The following LIMCH1 variants were observed in gnomAD, a reference collection of about 807,000 sequenced individuals.
LIMCH1 encodes the protein LIM and calponin homology domains-containing protein 1.
In LIMCH1, 113 loss-of-function variants were observed where a neutral mutation model predicts 176.5. The observed-to-expected ratio is 0.64, with a 90% CI of 0.55 to 0.75. The LOEUF (loss-of-function observed/expected upper bound fraction) is 0.75, where lower values mean the gene tolerates loss of function less well. Among genes scored for constraint, LIMCH1 ranks in the 30% least tolerant of loss-of-function variants. LIMCH1 has a pLI of 0.00. For synonymous variants in LIMCH1, 619 were observed against 645.9 expected (o/e 0.96, Z 0.63); for missense variants, 1,674 against 1,814.9 (o/e 0.92, Z 1.41).
At chr4:41,584,921 G>A (rs564987880) in intron 1 of LIMCH1, among the ~76,000 whole-genome samples, 1 of 152,220 alleles carries the variant, frequency 6.6e-6, no homozygotes, top group Admixed American at 6.5e-5. Context: ...TGGCAGATTT[G>A]GCATCTGGTG....
chr4:41,655,673 CT>C (rs112101600), intron 18 of LIMCH1, among the ~76,000 whole-genome samples: 56 of 149,730 alleles, frequency 3.7e-4, no homozygotes, highest in African/African-American at 1.1e-3. Context: ...TCCTGCAGCT[CT>C]TTTTTTTTTC....
chr4:41,508,446 A>G (rs2074441978), intron 2 of LIMCH1, among the ~76,000 whole-genome samples: 1 of 152,226 alleles, frequency 6.6e-6, no homozygotes. Flanking sequence ...CCAGGACCAG[A>G]GTCCTGTAGG....
intron 1 of LIMCH1, among the ~76,000 whole-genome samples, chr4:41,593,671 G>A (rs1584603861): frequency 6.6e-6 from 1 of 152,200 alleles, no homozygotes; most frequent in Admixed American, 6.5e-5. Context: ...TGGTCTATGG[G>A]CCAAATCCAC....
At chr4:41,433,464 G>A (rs939813946) in intron 1 of LIMCH1, among the ~76,000 whole-genome samples, 1 of 152,046 alleles carries the variant, frequency 6.6e-6, no homozygotes, top group East Asian at 1.9e-4. Flanking sequence ...CTGTTCCATG[G>A]GGTGTTGGCT....
At chr4:41,527,745 C>T (rs369653249) in intron 3 of LIMCH1, among the ~76,000 whole-genome samples, 3 of 150,334 alleles carry the variant, frequency 2.0e-5, no homozygotes, top group African/African-American at 7.4e-5. Flanking sequence ...ATGGCGTGAA[C>T]CCGGGAGGCG....
At chr4:41,434,055 T>C (rs2061839565) in intron 1 of LIMCH1, among the ~76,000 whole-genome samples, 1 of 150,380 alleles carries the variant, frequency 6.6e-6, no homozygotes, top group Non-Finnish European at 1.5e-5. Context: ...CCAAGTGACA[T>C]AAGAGGACAA....
intron 15 of LIMCH1, 84 bp downstream of exon 15, chr4:41,644,710 A>G: frequency 1.3e-6 from 2 of 1,506,896 alleles, no homozygotes; most frequent in Non-Finnish European, 1.8e-6. Flanking sequence ...TGGACTTGAA[A>G]GCCATGCGGG....
chr4:41,519,925 C>G (rs533140346), intron 2 of LIMCH1, among the ~76,000 whole-genome samples: 39 of 152,252 alleles, frequency 2.6e-4, no homozygotes, highest in African/African-American at 8.7e-4. Flanking sequence ...ACTTTAAAAC[C>G]TAGGCTACTG....
chr4:41,453,937 T>G (rs2064200218), intron 1 of LIMCH1, among the ~76,000 whole-genome samples: 1 of 152,108 alleles, frequency 6.6e-6, no homozygotes. Flanking sequence ...CTGCCTCCCC[T>G]CTTCTACCCT....
intron 12 of LIMCH1, 105 bp downstream of exon 12, chr4:41,633,190 C>CTGAT: frequency 1.3e-6 from 1 of 779,068 alleles, no homozygotes. Flanking sequence ...CACCTGGCGA[C>CTGAT]TGATAGAGCG....
chr4:41,456,026 T>G (rs188369990), intron 1 of LIMCH1, among the ~76,000 whole-genome samples: 5 of 152,264 alleles, frequency 3.3e-5, no homozygotes, highest in Non-Finnish European at 5.9e-5. Flanking sequence ...ACACACTTTT[T>G]TTTGTTTGTT....
At chr4:41,610,732 A>G (rs1359124624) in intron 4 of LIMCH1, among the ~76,000 whole-genome samples, 1 of 152,174 alleles carries the variant, frequency 6.6e-6, no homozygotes, top group Non-Finnish European at 1.5e-5. Flanking sequence ...ACAGCTGGCA[A>G]GGGGTGGAGC....
At chr4:41,575,199 T>C (rs780429805) in intron 1 of LIMCH1, among the ~76,000 whole-genome samples, 15 of 152,232 alleles carry the variant, frequency 9.9e-5, no homozygotes, top group Non-Finnish European at 2.1e-4. Context: ...ACTGACCAGA[T>C]AGCATTTTTT....
At chr4:41,462,383 A>G (rs1255747133) in intron 1 of LIMCH1, among the ~76,000 whole-genome samples, 1 of 152,202 alleles carries the variant, frequency 6.6e-6, no homozygotes, top group Non-Finnish European at 1.5e-5. Flanking sequence ...TTTCATTGGT[A>G]ATGTAACTTC....
intron 12 of LIMCH1, 117 bp downstream of exon 12, chr4:41,633,202 G>C: frequency 1.4e-6 from 1 of 716,998 alleles, no homozygotes; most frequent in South Asian, 1.8e-5. Flanking sequence ...GATAGAGCGT[G>C]GAGTAAAGTC....
rs765625880 is a variant in LIMCH1 at position 41,687,870 on chromosome 4, G to A, written c.4119G>A (p.Gly1373=). 16 of 1,613,270 alleles carry A rather than the reference G, an allele frequency of 9.9e-6. No individual in the cohort carries two copies. Among genetic ancestry groups the A allele is most frequent in the Admixed American group, 1.7e-5 (1 of 59,928 alleles). The stretch of plus-strand genomic sequence containing the variant: ...GTCCCCGAGAGCACTTCCAGGCTGG[G>A]CCTTTCTCTCCCTGTTCTCCCACCC... ...KKSPREHFQA[G]PFSPCSPTPP... The change falls in exon 29 of 32, where the codon GGG becomes GGA. Residue 1373 remains glycine (G), a synonymous_variant. Transcript: ENST00000503057.
intron 1 of LIMCH1, among the ~76,000 whole-genome samples, chr4:41,447,688 A>G (rs1307291362): frequency 6.6e-6 from 1 of 152,202 alleles, no homozygotes; most frequent in East Asian, 1.9e-4. Flanking sequence ...ATCGAGACAA[A>G]TGTCTGTCTG....
upstream of LIMCH1, among the ~76,000 whole-genome samples, chr4:41,533,538 A>G (rs1160283430): frequency 6.6e-6 from 1 of 152,132 alleles, no homozygotes; most frequent in Non-Finnish European, 1.5e-5. Flanking sequence ...ACTTTTTTCT[A>G]ATTTTCTTCT....
chr4:41,418,166 A>G (rs1274785641), intron 1 of LIMCH1, among the ~76,000 whole-genome samples: 1 of 152,194 alleles, frequency 6.6e-6, no homozygotes, highest in Non-Finnish European at 1.5e-5. Context: ...GTTTTAGCGA[A>G]TAAGTCATGT....
Sources: allele counts gnomAD v4.1 joint callset (sites outside exome capture counted in the v4.1 genomes callset), GRCh38; gene constraint gnomAD v4.1.1; transcripts MANE v1.5; gene names NCBI Gene and HGNC (gene_info 2026-07-23, HGNC 2026-07-21).